The following ADAM9 variants were observed in gnomAD, a reference collection of about 807,000 sequenced individuals.
The protein encoded by ADAM9 is disintegrin and metalloproteinase domain-containing protein 9.
ADAM9 carries 54 observed loss-of-function variants against 108.1 expected under a neutral mutation model. That is an observed-to-expected ratio of 0.50 (90% CI 0.40 to 0.63). ADAM9 has a LOEUF of 0.63. ADAM9 is among the 20% of genes least tolerant of loss of function. The pLI, the probability that ADAM9 is intolerant of heterozygous loss-of-function variation, is 0.00. For missense variants in ADAM9, 830 were observed against 997.7 expected, an observed-to-expected ratio of 0.83 and a Z score of 2.26; for synonymous variants, 316 against 336.0, an observed-to-expected ratio of 0.94 and a Z score of 0.65.
chr8:39,103,548 A>C, intron 21 of ADAM9, 59 bp from the exon 22 acceptor site: 1 of 1,487,278 alleles, frequency 6.7e-7, no homozygotes, highest in East Asian at 2.3e-5. Flanking sequence ...CTTGTAATGA[A>C]TATGGCATTA....
chr8:39,097,975 C>G (rs922346435), intron 20 of ADAM9, among the ~76,000 whole-genome samples: 1 of 152,224 alleles, frequency 6.6e-6, no homozygotes, highest in African/African-American at 2.4e-5. Context: ...TGTCTGCTTT[C>G]AACCTTATTG....
At chr8:39,091,156 C>A in intron 19 of ADAM9, 103 bp from the exon 20 acceptor site, 1 of 1,095,254 alleles carries the variant, frequency 9.1e-7, no homozygotes, top group African/African-American at 1.5e-5. Flanking sequence ...CCCACCACTA[C>A]CAACATCATT....
At chr8:39,046,520 C>T (rs1266453420) in intron 12 of ADAM9, among the ~76,000 whole-genome samples, 1 of 152,162 alleles carries the variant, frequency 6.6e-6, no homozygotes, top group Non-Finnish European at 1.5e-5. Flanking sequence ...CGAGATTGGG[C>T]ATCCTTGCTT....
At chr8:39,034,477 TC>T in intron 11 of ADAM9, among the ~76,000 whole-genome samples, 1 of 152,346 alleles carries the variant, frequency 6.6e-6, no homozygotes, top group African/African-American at 2.4e-5. Context: ...TGCTCTTTGG[TC>T]CTCTTGCATC....
chr8:39,021,489 G>A (rs1836737341), intron 7 of ADAM9, among the ~76,000 whole-genome samples, 154 bp from the exon 8 acceptor site: 1 of 152,136 alleles, frequency 6.6e-6, no homozygotes, highest in African/African-American at 2.4e-5. Context: ...TCGCCATGTT[G>A]GCTAGGCTGG....
In ADAM9 at chr8:39,090,088, T is replaced by A; in HGVS notation, c.2110T>A (p.Phe704Ile). 6.2e-7 allele frequency: 1 copy of A among 1,613,994 alleles called. No individual in the cohort carries two copies. The highest frequency in any genetic ancestry group is 8.5e-7 in the Non-Finnish European group (1 of 1,179,924). The change falls in exon 19 of 22, where the codon TTC (phenylalanine) becomes ATC (isoleucine). Residue 704 changes from phenylalanine (F) to isoleucine (I), a missense_variant. Phe to Ile is a conservative substitution (Grantham distance 21). Coordinates refer to ENST00000487273, the MANE Select transcript of ADAM9 (RefSeq NM_003816.3). ...ALRDGLLVFF[F>I]LIVPLIVCAI... ...GAGGGACGGACTTCTGGTCTTCTTC[T>A]TCCTAATTGTTCCCCTTATTGTCTG...
chr8:39,016,052 G>T, intron 4 of ADAM9, 66 bp from the exon 5 acceptor site: 2 of 1,461,024 alleles, frequency 1.4e-6, no homozygotes, highest in Non-Finnish European at 1.9e-6. Context: ...TGTTAGCTCT[G>T]CAATTTCTGT....
chr8:39,045,333 T>TAC lies in ADAM9; in HGVS notation c.1302+3219_1302+3220dup, dbSNP rs1232095579. Among the ~76,000 whole-genome samples the TAC allele has an allele frequency of 1.7e-4, 20 of 119,050 alleles. 1 individual carries two copies. Among genetic ancestry groups the TAC allele is most frequent in the African/African-American group, 5.5e-4 (17 of 30,884 alleles). 78.1% of individuals were successfully genotyped at this position (119,050 alleles called of 152,430 possible). A position where few individuals can be genotyped will look rare whatever the true frequency, so the allele number is the denominator to read the frequency against. On this transcript the variant is annotated intron_variant, in intron 12 of 21. Coordinates refer to ENST00000487273, the MANE Select transcript of ADAM9 (RefSeq NM_003816.3). The stretch of plus-strand genomic sequence containing the variant: ...GTGTGTACACCTATACATGTGTGTG[T>TAC]ACACCTATACATGTGTGTACATACA...
chr8:39,024,419 C>T (rs1229381716), intron 9 of ADAM9, among the ~76,000 whole-genome samples: 2 of 152,164 alleles, frequency 1.3e-5, no homozygotes, highest in African/African-American at 4.8e-5. Flanking sequence ...CTCCATCTGT[C>T]CTGTTAGAGA....
At chr8:39,086,832 A>G (rs1325044303) in intron 18 of ADAM9, among the ~76,000 whole-genome samples, 1 of 152,190 alleles carries the variant, frequency 6.6e-6, no homozygotes, top group Non-Finnish European at 1.5e-5. Flanking sequence ...CATTTAGTCT[A>G]GGGCTGATTC....
At chr8:39,001,471 T>C (rs1835989778) in intron 1 of ADAM9, among the ~76,000 whole-genome samples, 2 of 152,212 alleles carry the variant, frequency 1.3e-5, no homozygotes, top group South Asian at 4.1e-4. Context: ...TTAAATTCTT[T>C]GCTGGAGGAA....
intron 6 of ADAM9, chr8:39,018,618 C>T (rs1836626696): frequency 5.6e-6 from 3 of 533,004 alleles, no homozygotes; most frequent in South Asian, 2.4e-5. Flanking sequence ...ATTTTTTTCC[C>T]CTCAGACATA....
At chr8:39,033,823 T>C (rs1317678606) in intron 11 of ADAM9, among the ~76,000 whole-genome samples, 1 of 152,192 alleles carries the variant, frequency 6.6e-6, no homozygotes, top group Non-Finnish European at 1.5e-5. Flanking sequence ...ATCTTATATC[T>C]CCTTTATTTG....
In ADAM9 at chr8:39,041,977, G is replaced by A. The variant is rs1401539425; in HGVS notation, c.1162G>A (p.Glu388Lys). ...CAGAAACTTTAGCAGTTGCAGTGCAGAGGACTTTGAGAAGTTAACTTTAAA... is the reference window on the plus strand; with the variant it reads ...CAGAAACTTTAGCAGTTGCAGTGCAAAGGACTTTGAGAAGTTAACTTTAAA... ...GSRNFSSCSA[E>K]DFEKLTLNKG... is the part of the protein sequence containing the mutation. Residue 388 changes from glutamate (E) to lysine (K), a missense_variant, in exon 12 of 22, where the codon GAG (glutamate) becomes AAG (lysine). Physicochemically the swap from Glu to Lys is moderately conservative, Grantham distance 56 (BLOSUM62 1). Around this residue, in one of 3 missense-constraint regions of ADAM9, gnomAD observed 381 missense variants for 539.8 expected, o/e 0.71. Transcript: ENST00000487273. 6.2e-7 allele frequency: 1 copy of A among 1,614,074 alleles called. No homozygotes were observed.
intron 12 of ADAM9, among the ~76,000 whole-genome samples, chr8:39,052,969 A>C (rs1588388972): frequency 6.6e-6 from 1 of 152,118 alleles, no homozygotes; most frequent in African/African-American, 2.4e-5. Context: ...TGGGAGTTCT[A>C]ATTGTTTCAT....
intron 1 of ADAM9, among the ~76,000 whole-genome samples, chr8:39,004,294 G>A (rs1168118831): frequency 6.6e-6 from 1 of 151,522 alleles, no homozygotes; most frequent in African/African-American, 2.4e-5. Context: ...GCTCACTGCA[G>A]CCTTGATCTC....
At chr8:39,098,443 A>G (rs560938276) in intron 20 of ADAM9, among the ~76,000 whole-genome samples, 1 of 152,250 alleles carries the variant, frequency 6.6e-6, no homozygotes, top group East Asian at 1.9e-4. Context: ...TCTCTTTGGT[A>G]TTTCCAATAT....
chr8:39,067,553 A>C (rs1207829992), intron 14 of ADAM9, among the ~76,000 whole-genome samples: 4 of 151,026 alleles, frequency 2.6e-5, no homozygotes, highest in Admixed American at 2.0e-4. Context: ...GCTCTCTGTT[A>C]TTGGTGTATA....
intron 11 of ADAM9, among the ~76,000 whole-genome samples, chr8:39,036,850 C>A: frequency 6.6e-6 from 1 of 151,228 alleles, no homozygotes; most frequent in African/African-American, 2.4e-5. Context: ...GTTCTATAGT[C>A]AATTCATGTG....
Sources: allele counts gnomAD v4.1 joint callset (sites outside exome capture counted in the v4.1 genomes callset), GRCh38; gene constraint gnomAD v4.1.1; regional missense constraint gnomAD v4.1.1; transcripts MANE v1.5; gene names NCBI Gene and HGNC (gene_info 2026-07-23, HGNC 2026-07-21).